The following MTUS1 variants were observed in gnomAD, a reference collection of about 807,000 sequenced individuals.
MTUS1 encodes the protein microtubule associated scaffold protein 1.
In MTUS1, 109 loss-of-function variants were observed where a neutral mutation model predicts 120.8. The ratio of observed to expected loss-of-function variants is 0.90; its 90% CI spans 0.77 to 1.06. MTUS1 has a LOEUF of 1.06. MTUS1 is among the 50% of genes least tolerant of loss of function. The pLI is 0.00. For synonymous variants in MTUS1, 737 were observed against 550.5 expected, an observed-to-expected ratio of 1.34 and a Z score of -4.74; for missense variants, 2,210 against 1,486.3, an observed-to-expected ratio of 1.49 and a Z score of -8.01.
chr8:17,724,530 C>T (rs1180415558), intron 3 of MTUS1, among the ~76,000 whole-genome samples: 1 of 137,192 alleles, frequency 7.3e-6, no homozygotes, highest in East Asian at 3.3e-4. Context: ...ACTCCCCACA[C>T]AGTTTATTTG....
At chr8:17,650,828 T>G (rs10092004) in intron 12 of MTUS1, among the ~76,000 whole-genome samples, 1,963 of 152,308 alleles carry the variant, frequency 0.013, 48 homozygotes, top group African/African-American at 0.045. Context: ...GAAATTCAAC[T>G]AAACCATTCA....
chr8:17,667,748 T>C (rs773365154), intron 8 of MTUS1, among the ~76,000 whole-genome samples: 4 of 152,264 alleles, frequency 2.6e-5, no homozygotes, highest in Admixed American at 6.5e-5. Context: ...TCTAGCCATC[T>C]TGGGTTCTTA....
At chr8:17,706,256 T>C (rs935851983) in intron 6 of MTUS1, 3 of 152,196 alleles carry the variant, frequency 2.0e-5, no homozygotes, top group East Asian at 1.9e-4. Context: ...TGTCATATTA[T>C]TGCCTTTCTG....
At chr8:17,745,583 C>G (rs1474074262) in intron 2 of MTUS1, among the ~76,000 whole-genome samples, 2 of 152,214 alleles carry the variant, frequency 1.3e-5, no homozygotes, top group Admixed American at 6.5e-5. Context: ...ACAGCTTACT[C>G]TTTAATTCAC....
intron 1 of MTUS1, among the ~76,000 whole-genome samples, chr8:17,794,288 A>G (rs905595715): frequency 3.9e-5 from 6 of 152,186 alleles, no homozygotes; most frequent in African/African-American, 1.2e-4. Flanking sequence ...AGATCACGCC[A>G]CTGCACTCCA....
intron 4 of MTUS1, among the ~76,000 whole-genome samples, chr8:17,717,896 G>C (rs1822644729): frequency 6.6e-6 from 1 of 152,048 alleles, no homozygotes; most frequent in Non-Finnish European, 1.5e-5. Flanking sequence ...CATACTGCAA[G>C]GATAAAATGT....
chr8:17,711,571 G>C (rs1005508246), intron 6 of MTUS1, among the ~76,000 whole-genome samples: 3 of 152,066 alleles, frequency 2.0e-5, no homozygotes, highest in Non-Finnish European at 4.4e-5. Context: ...TTAATCTTCT[G>C]GTCAGACCAC....
intron 12 of MTUS1, among the ~76,000 whole-genome samples, chr8:17,650,168 T>C (rs542244258): frequency 1.3e-5 from 2 of 152,312 alleles, no homozygotes; most frequent in Admixed American, 6.5e-5. Context: ...ATTTCACTTA[T>C]TTATCAGTAA....
chr8:17,741,612 A>C (rs372550524), intron 3 of MTUS1, among the ~76,000 whole-genome samples: 3 of 152,232 alleles, frequency 2.0e-5, no homozygotes, highest in African/African-American at 7.2e-5. Flanking sequence ...CACAGAGTAA[A>C]AGGACTTAAC....
chr8:17,788,228 C>T (rs940841527), intron 1 of MTUS1, among the ~76,000 whole-genome samples: 5 of 152,260 alleles, frequency 3.3e-5, no homozygotes, highest in South Asian at 4.1e-4. Context: ...CACACTTAAG[C>T]CAGGTGCACT....
chr8:17,695,769 T>C (rs1817815859), intron 6 of MTUS1, among the ~76,000 whole-genome samples: 1 of 152,116 alleles, frequency 6.6e-6, no homozygotes, highest in Non-Finnish European at 1.5e-5. Context: ...TAAAAAGGTA[T>C]AGAATATATA....
chr8:17,688,789 C>G (rs565649028), intron 6 of MTUS1, among the ~76,000 whole-genome samples: 4 of 152,142 alleles, frequency 2.6e-5, no homozygotes, highest in Non-Finnish European at 5.9e-5. Context: ...AAAGAGTTAA[C>G]AGTAATAATT....
chr8:17,740,750 G>C (rs1038399920), intron 3 of MTUS1, among the ~76,000 whole-genome samples: 1 of 152,204 alleles, frequency 6.6e-6, no homozygotes, highest in Admixed American at 6.5e-5. Flanking sequence ...CTGAAGGCTG[G>C]AATGTCCAAG....
At chr8:17,676,008 C>T (rs1266913302) in intron 7 of MTUS1, 2 of 496,346 alleles carry the variant, frequency 4.0e-6, no homozygotes, top group Non-Finnish European at 7.2e-6. Flanking sequence ...TAATTACATA[C>T]AGTTCCTTAA....
chr8:17,721,837 T>C (rs774563924), intron 4 of MTUS1: 54 of 1,613,992 alleles, frequency 3.3e-5, no homozygotes, highest in Non-Finnish European at 4.3e-5. Context: ...GAGTGTAGAA[T>C]TGATAAAGAT....
chr8:17,679,510 TATTTA>T (rs543960541), intron 7 of MTUS1, among the ~76,000 whole-genome samples: 5,301 of 46,324 alleles, frequency 0.11, 183 homozygotes, highest in East Asian at 0.18. Flanking sequence ...TTTATTTATT[TATTTA>T]TTTTTTGAGA....
At chr8:17,674,448 G>A in intron 8 of MTUS1, 1 of 983,598 alleles carries the variant, frequency 1.0e-6, no homozygotes, top group Non-Finnish European at 1.2e-6. Flanking sequence ...ACAGAAAAGA[G>A]AAAAGCAAAA....
intron 8 of MTUS1, among the ~76,000 whole-genome samples, chr8:17,658,426 A>G (rs986564866): frequency 6.6e-6 from 1 of 152,264 alleles, no homozygotes; most frequent in African/African-American, 2.4e-5. Flanking sequence ...AACCAAAGAT[A>G]TATGTACACA....
rs367835743 is a variant in MTUS1 at position 17,767,606 on chromosome 8, G to A, written c.-154-11645C>T. ...CCAGCTACTCTGAAGGCTGAGGGCA[G>A]GAGGACTGCCTGAGCCCAGGATTTC... is the stretch of plus-strand genomic sequence containing the variant. On this transcript the variant is annotated intron_variant, in intron 1 of 14. Transcript: ENST00000693296. Among the ~76,000 whole-genome samples, 25 of 151,598 alleles carry A rather than the reference G, an allele frequency of 1.6e-4. 1 individual carries two copies. The East Asian group carries it at 3.3e-3, about 20-fold the overall frequency.
Sources: allele counts gnomAD v4.1 joint callset (sites outside exome capture counted in the v4.1 genomes callset), GRCh38; gene constraint gnomAD v4.1.1; transcripts MANE v1.5; gene names NCBI Gene and HGNC (gene_info 2026-07-23, HGNC 2026-07-21).